TTLL1: variants seen among roughly 807,000 people sequenced by gnomAD.
The protein encoded by TTLL1 is TTL family tubulin polyglutamylase complex subunit L1.
In TTLL1, 33 loss-of-function variants were observed where a neutral mutation model predicts 47.8. The observed-to-expected ratio is 0.69, with a 90% confidence interval of 0.52 to 0.92. The LOEUF (loss-of-function observed/expected upper bound fraction) is 0.92, where lower values mean the gene tolerates loss of function less well. TTLL1 is among the 40% of genes least tolerant of loss of function. The probability of loss-of-function intolerance (pLI) is 0.00; values close to 1 mark genes in which losing one functional copy is unlikely to be tolerated. For synonymous variants in TTLL1, 225 were observed against 214.1 expected (o/e 1.05, Z -0.45); for missense variants, 488 against 547.5 (o/e 0.89, Z 1.08).
At position 43,039,675 on chromosome 22, in the gene TTLL1, G is replaced by A. The variant is rs1465891034; in HGVS notation, c.*101C>T. 9 of 1,430,932 alleles carry A rather than the reference G, an allele frequency of 6.3e-6. No homozygotes were observed. The highest frequency in any genetic ancestry group is 8.4e-6 in the Non-Finnish European group (9 of 1,077,700). The allele number at this position is 1,430,932 out of a possible 1,614,324, so 88.6% of individuals were successfully genotyped here. A position where few individuals can be genotyped will look rare whatever the true frequency, so the allele number is the denominator to read the frequency against. On this transcript the variant is annotated 3_prime_UTR_variant, in exon 11 of 11. Coordinates refer to ENST00000266254, the MANE Select transcript of TTLL1 (RefSeq NM_012263.5). Reference sequence around the variant, plus strand: ...AGAAGTGCCTTCGTTTATTTACAGGGCTTAGGAAAGGAAAAAAGCTCTACA... The same window carrying A: ...AGAAGTGCCTTCGTTTATTTACAGGACTTAGGAAAGGAAAAAAGCTCTACA...
At position 43,055,927 on chromosome 22, in the gene TTLL1, G is replaced by A. The variant is rs142358953; in HGVS notation, c.891+3457C>T. The stretch of plus-strand genomic sequence containing the variant: ...TTTGTCTTTTTTTTTCCCTTTTTGT[G>A]GAGAAGGAGGTCTCGCTATATTGCC... On this transcript the variant is annotated intron_variant, in intron 8 of 10. Transcript: ENST00000266254. 3.0e-3 allele frequency among the ~76,000 whole-genome samples: 454 copies of A among 151,366 alleles called. 1 individual carries two copies. Among genetic ancestry groups the A allele is most frequent in the Non-Finnish European group, 3.6e-3 (247 of 67,828 alleles).
At chr22:43,063,983 C>T in intron 6 of TTLL1, 62 bp from the exon 7 acceptor site, 3 of 1,559,142 alleles carry the variant, frequency 1.9e-6, no homozygotes, top group Non-Finnish European at 2.6e-6. Context: ...GACACCACTT[C>T]ATTCTCTAAA....
rs193181424 is a variant in TTLL1, at chr22:43,050,639, C to T, written c.978+1162G>A. Among the ~76,000 whole-genome samples the T allele has an allele frequency of 3.4e-3, 522 of 151,870 alleles. 2 individuals carry two copies. Among genetic ancestry groups the T allele is most frequent in the African/African-American group, 0.012 (492 of 41,458 alleles). On this transcript the variant is annotated intron_variant, in intron 9 of 10. Coordinates refer to ENST00000266254, the MANE Select transcript of TTLL1 (RefSeq NM_012263.5). ...CCCAGTTCAAGCGATTCTTCTGCCT[C>T]GGCCTCCCCGGTAGCTGGGATTACA...
chr22:43,050,504 T>G (rs558503556), intron 9 of TTLL1, among the ~76,000 whole-genome samples: 14 of 121,890 alleles, frequency 1.1e-4, no homozygotes, highest in East Asian at 1.3e-3. Context: ...GTCACTCTGG[T>G]TTTTTTTTGT....
intron 8 of TTLL1, 41 bp downstream of exon 8, chr22:43,059,343 C>A (rs200056695): frequency 5.1e-6 from 8 of 1,581,838 alleles, no homozygotes; most frequent in South Asian, 1.1e-5. Context: ...CACTCCCAAA[C>A]GGGCCCTGGG....
At chr22:43,064,079 G>A in intron 6 of TTLL1, 111 bp downstream of exon 6, 1 of 1,525,324 alleles carries the variant, frequency 6.6e-7, no homozygotes, top group Non-Finnish European at 8.9e-7. Context: ...CCTGCCCCGT[G>A]CCAGGCACCG....
At chr22:43,073,499 G>A (rs1002236854) in intron 3 of TTLL1, among the ~76,000 whole-genome samples, 2 of 151,778 alleles carry the variant, frequency 1.3e-5, no homozygotes, top group Non-Finnish European at 2.9e-5. Flanking sequence ...TAGGATTACA[G>A]GTGCGCACCA....
intron 8 of TTLL1, among the ~76,000 whole-genome samples, chr22:43,054,721 GC>G (rs1428115883): frequency 1.5e-4 from 18 of 117,712 alleles, no homozygotes; most frequent in Non-Finnish European, 1.4e-4. Flanking sequence ...ACTGCACCTG[GC>G]CTTTTTTTTT....
intron 5 of TTLL1, among the ~76,000 whole-genome samples, chr22:43,065,312 C>G (rs928424250): frequency 6.6e-6 from 1 of 151,900 alleles, no homozygotes; most frequent in Non-Finnish European, 1.5e-5. Context: ...ATTTTTGAGA[C>G]ACAGTCTTCC....
At chr22:43,085,735 A>G (rs1192920879) in intron 1 of TTLL1, among the ~76,000 whole-genome samples, 1 of 152,204 alleles carries the variant, frequency 6.6e-6, no homozygotes, top group Non-Finnish European at 1.5e-5. Context: ...CATTTTACAG[A>G]TGAGGAAAAT....
intron 1 of TTLL1, among the ~76,000 whole-genome samples, chr22:43,084,475 T>C (rs923374112): frequency 2.0e-5 from 3 of 151,638 alleles, no homozygotes; most frequent in Non-Finnish European, 4.4e-5. Flanking sequence ...CCTTCTTTCT[T>C]TGCAGGCTCC....
chr22:43,055,601 G>GACAACAGGTGTGC (rs1926945929), intron 8 of TTLL1, among the ~76,000 whole-genome samples: 1 of 152,010 alleles, frequency 6.6e-6, no homozygotes, highest in African/African-American at 2.4e-5. Context: ...AAAGGGCTGG[G>GACAACAGGTGTGC]ACAACAGGTG....
rs1045841170 is a variant in TTLL1, at chr22:43,064,473, C to A, written c.504-149G>T. The A allele has an allele frequency of 2.1e-5, 19 of 916,734 alleles. No individual in the cohort carries two copies. In the African/African-American group the frequency reaches 2.5e-4, roughly 12 times the overall value. The allele number at this position is 916,734 out of a possible 1,614,324, so 56.8% of individuals were successfully genotyped here. A position where few individuals can be genotyped will look rare whatever the true frequency, so the allele number is the denominator to read the frequency against. On this transcript the variant is annotated intron_variant, in intron 5 of 10. Coordinates refer to ENST00000266254, the MANE Select transcript of TTLL1 (RefSeq NM_012263.5). The stretch of plus-strand genomic sequence containing the variant: ...GGGCGCGGTGGCTCACGCCTGTAAT[C>A]CCAGCACTTTGGGAGGCGAGGCGGG...
At chr22:43,066,586 G>T (rs1390976187) in intron 5 of TTLL1, among the ~76,000 whole-genome samples, 1 of 151,908 alleles carries the variant, frequency 6.6e-6, no homozygotes, top group Admixed American at 6.6e-5. Flanking sequence ...GCCAGGTGTG[G>T]TCGTGTGTAC....
At position 43,040,805 on chromosome 22, in the gene TTLL1, C is replaced by G. The variant is rs535529795; in HGVS notation, c.1143-900G>C. 5.9e-5 allele frequency among the ~76,000 whole-genome samples: 9 copies of G among 152,292 alleles called. No homozygotes were observed. In the East Asian group the frequency reaches 1.4e-3, roughly 23 times the overall value. On this transcript the variant is annotated intron_variant, in intron 10 of 10. Coordinates refer to ENST00000266254, the MANE Select transcript of TTLL1 (RefSeq NM_012263.5). ...TTCATGCATCCTAAGGCCGCGTGTG[C>G]TAAGGAGGCAGCAGTGTAGGAAACA...
rs139627140 is a variant in TTLL1 at position 43,070,898 on chromosome 22, A to T, written c.114-1054T>A. 3.5e-3 allele frequency among the ~76,000 whole-genome samples: 540 copies of T among 152,250 alleles called. 3 individuals are homozygous for T. Among genetic ancestry groups the T allele is most frequent in the Middle Eastern group, 0.024 (7 of 294 alleles). ...ATATAATTATCAGAACTAAAAAAGC[A>T]ATATGTATGTATGTATGTATGTATT... On this transcript the variant is annotated intron_variant, in intron 3 of 10. Transcript: ENST00000266254.
chr22:43,077,478 G>A (rs749621657), intron 2 of TTLL1, among the ~76,000 whole-genome samples: 22 of 152,122 alleles, frequency 1.4e-4, no homozygotes, highest in Non-Finnish European at 2.8e-4. Flanking sequence ...TGTCCCTGCT[G>A]GGGGCCAGGG....
At chr22:43,042,875 G>T (rs368008001) in intron 10 of TTLL1, among the ~76,000 whole-genome samples, 1 of 152,108 alleles carries the variant, frequency 6.6e-6, no homozygotes, top group Admixed American at 6.6e-5. Flanking sequence ...GGATCAGGGA[G>T]GGGGGTTCAC....
intron 1 of TTLL1, 32 bp from the exon 2 acceptor site, chr22:43,080,018 C>T (rs1022523788): frequency 6.6e-6 from 1 of 152,108 alleles, no homozygotes; most frequent in Non-Finnish European, 1.5e-5. Context: ...AAATGTACAT[C>T]AAACACATTA....
Sources: gnomAD v4.1 joint callset for allele counts (sites outside exome capture counted in the v4.1 genomes callset) on GRCh38, gnomAD v4.1.1 for gene constraint, MANE v1.5 for transcripts, NCBI Gene and HGNC (gene_info 2026-07-23, HGNC 2026-07-21) for gene names.